ELMO1: variants seen among roughly 807,000 people sequenced by gnomAD.
ELMO1 encodes the protein engulfment and cell motility protein 1.
Under a neutral mutation model 98.9 loss-of-function variants are expected in ELMO1, and 26 were observed. The ratio of observed to expected loss-of-function variants is 0.26; its 90% CI spans 0.19 to 0.36. The LOEUF is 0.36. Among genes scored for constraint, ELMO1 ranks in the 10% least tolerant of loss-of-function variants. The pLI is 1.00. For missense variants in ELMO1, 627 were observed against 935.2 expected (o/e 0.67, Z 4.30); for synonymous variants, 346 against 346.0 (o/e 1.00, Z 0.00).
intron 4 of ELMO1, among the ~76,000 whole-genome samples, chr7:37,286,347 A>T (rs1797392652): frequency 1.3e-5 from 2 of 152,234 alleles, no homozygotes; most frequent in African/African-American, 4.8e-5. Flanking sequence ...GGCCTGATCC[A>T]AAACTTGGCT....
chr7:37,325,498 C>T (rs1799752922), intron 2 of ELMO1, among the ~76,000 whole-genome samples: 1 of 152,142 alleles, frequency 6.6e-6, no homozygotes, highest in Non-Finnish European at 1.5e-5. Context: ...GGTCCCCGGT[C>T]CTCACTGCTC....
chr7:37,062,204 C>T (rs1205986888), intron 15 of ELMO1, among the ~76,000 whole-genome samples: 1 of 152,208 alleles, frequency 6.6e-6, no homozygotes, highest in East Asian at 1.9e-4. Flanking sequence ...CAATCACGCT[C>T]TGTGTGTATA....
At chr7:37,278,588 A>G (rs953079890) in intron 4 of ELMO1, among the ~76,000 whole-genome samples, 3 of 152,230 alleles carry the variant, frequency 2.0e-5, no homozygotes, top group Admixed American at 1.3e-4. Context: ...TGGACAGTAG[A>G]TAGCAGATTC....
At chr7:37,448,372 C>A (rs894888393) in intron 1 of ELMO1, among the ~76,000 whole-genome samples, 67 of 151,594 alleles carry the variant, frequency 4.4e-4, no homozygotes, top group Non-Finnish European at 8.7e-4. Context: ...TGCGCTTCAT[C>A]CGCGGGCGCC....
At chr7:37,267,388 AG>A (rs1796319185) in intron 5 of ELMO1, among the ~76,000 whole-genome samples, 1 of 152,212 alleles carries the variant, frequency 6.6e-6, no homozygotes, top group Non-Finnish European at 1.5e-5. Context: ...GATACATAAC[AG>A]GTTCCTAGTT....
At chr7:37,290,405 ATACT>A (rs553293175) in intron 4 of ELMO1, among the ~76,000 whole-genome samples, 12 of 152,316 alleles carry the variant, frequency 7.9e-5, no homozygotes, top group African/African-American at 2.9e-4. Context: ...GTAATCTCTG[ATACT>A]TATTTTGTTA....
At chr7:37,390,029 T>C (rs1423412040) in intron 1 of ELMO1, among the ~76,000 whole-genome samples, 7 of 151,840 alleles carry the variant, frequency 4.6e-5, no homozygotes, top group Non-Finnish European at 8.8e-5. Context: ...TCACCCATGC[T>C]CTGGTTCCAG....
chr7:37,291,412 A>G (rs1317389406), intron 4 of ELMO1, among the ~76,000 whole-genome samples: 1 of 152,240 alleles, frequency 6.6e-6, no homozygotes, highest in Non-Finnish European at 1.5e-5. Flanking sequence ...AAAAGACACA[A>G]TAGAAAAAAC....
At chr7:37,101,164 A>G (rs1784619505) in intron 14 of ELMO1, among the ~76,000 whole-genome samples, 1 of 152,232 alleles carries the variant, frequency 6.6e-6, no homozygotes, top group Admixed American at 6.5e-5. Flanking sequence ...AAAGTAAACC[A>G]GAGGCCTTCT....
intron 4 of ELMO1, among the ~76,000 whole-genome samples, chr7:37,285,130 C>T (rs899806438): frequency 2.6e-5 from 4 of 152,192 alleles, no homozygotes; most frequent in Admixed American, 2.0e-4. Flanking sequence ...CTGCATCACC[C>T]GTGGGTGGTG....
intron 15 of ELMO1, among the ~76,000 whole-genome samples, chr7:37,040,111 TGAATTTTA>T (rs973007178): frequency 6.6e-6 from 1 of 151,824 alleles, no homozygotes; most frequent in African/African-American, 2.4e-5. Flanking sequence ...GGAATTAAAT[TGAATTTTA>T]AAATTTTACT....
intron 6 of ELMO1, among the ~76,000 whole-genome samples, chr7:37,249,386 T>TTTCTTTTTAAGACAATTAC (rs1356647326): frequency 6.6e-6 from 1 of 152,212 alleles, no homozygotes; most frequent in Non-Finnish European, 1.5e-5. Flanking sequence ...ACACTTAATG[T>TTTCTTTTTAAGACAATTAC]TTCTTTTTAA....
chr7:36,875,667 C>T (rs1450964667), intron 19 of ELMO1, among the ~76,000 whole-genome samples: 2 of 152,150 alleles, frequency 1.3e-5, no homozygotes, highest in Non-Finnish European at 2.9e-5. Flanking sequence ...TGCACTCACC[C>T]TGGCAAGCTG....
chr7:37,444,679 A>AT (rs66487522), intron 1 of ELMO1, among the ~76,000 whole-genome samples: 1 of 151,782 alleles, frequency 6.6e-6, no homozygotes, highest in African/African-American at 2.4e-5. Context: ...CGCCCGGCTA[A>AT]TTTTTTTTGT....
intron 4 of ELMO1, among the ~76,000 whole-genome samples, chr7:37,290,614 G>A (rs28611154): frequency 0.023 from 3,536 of 152,158 alleles, 151 homozygotes; most frequent in African/African-American, 0.08. Flanking sequence ...CTAAATATAC[G>A]TATAAAAACT....
intron 13 of ELMO1, among the ~76,000 whole-genome samples, chr7:37,133,658 C>A (rs57422492): frequency 0.095 from 14,488 of 152,194 alleles, 858 homozygotes; most frequent in African/African-American, 0.16. Flanking sequence ...CCTACCCACA[C>A]CTTGACTCCG....
intron 15 of ELMO1, among the ~76,000 whole-genome samples, chr7:37,053,987 G>A (rs777975938): frequency 2.6e-5 from 4 of 152,270 alleles, no homozygotes; most frequent in Non-Finnish European, 5.9e-5. Flanking sequence ...TAAAAAGTCT[G>A]AATGTATAGT....
intron 13 of ELMO1, among the ~76,000 whole-genome samples, chr7:37,206,833 A>T (rs73108936): frequency 0.061 from 8,851 of 144,460 alleles, 433 homozygotes; most frequent in South Asian, 0.21. Context: ...TTCTTTTTTT[A>T]AAAAAAAAAA....
chr7:37,213,261 G>A (rs1359863014), intron 12 of ELMO1, 74 bp downstream of exon 12: 15 of 1,550,800 alleles, frequency 9.7e-6, no homozygotes, highest in Non-Finnish European at 1.1e-5. Flanking sequence ...TAGTTTCAGG[G>A]TACCTCAAGA....
Sources: gnomAD v4.1 joint callset for allele counts (sites outside exome capture counted in the v4.1 genomes callset) on GRCh38, gnomAD v4.1.1 for gene constraint, MANE v1.5 for transcripts, NCBI Gene and HGNC (gene_info 2026-07-23, HGNC 2026-07-21) for gene names.